ROBO2: variants seen among roughly 807,000 people sequenced by gnomAD.
The protein encoded by ROBO2 is roundabout homolog 2.
Under a neutral mutation model 160.8 loss-of-function variants are expected in ROBO2, and 53 were observed. The observed-to-expected ratio is 0.33, with a 90% CI of 0.26 to 0.41. The LOEUF (loss-of-function observed/expected upper bound fraction) is 0.41, where lower values mean the gene tolerates loss of function less well. ROBO2 is among the 10% of genes least tolerant of loss of function. The pLI, the probability that ROBO2 is intolerant of heterozygous loss-of-function variation, is 1.00. For synonymous variants in ROBO2, 664 were observed against 611.7 expected, an observed-to-expected ratio of 1.09 and a Z score of -1.26; for missense variants, 1,577 against 1,722.4, an observed-to-expected ratio of 0.92 and a Z score of 1.49.
intron 2 of ROBO2, among the ~76,000 whole-genome samples, chr3:76,331,595 G>A (rs192025807): frequency 5.3e-5 from 8 of 151,920 alleles, no homozygotes; most frequent in Admixed American, 4.6e-4. Context: ...AGTAATATCC[G>A]GGCATCTTTG....
intron 2 of ROBO2, among the ~76,000 whole-genome samples, chr3:76,410,046 C>T (rs766218633): frequency 9.2e-5 from 14 of 152,100 alleles, no homozygotes; most frequent in East Asian, 1.9e-4. Context: ...TTTTTGTTTT[C>T]GCATGCATGT....
At chr3:75,926,043 C>A (rs929155458) in intron 1 of ROBO2, among the ~76,000 whole-genome samples, 3 of 152,098 alleles carry the variant, frequency 2.0e-5, no homozygotes, top group African/African-American at 7.2e-5. Flanking sequence ...CTGTAAACTG[C>A]TCACAGTAAA....
intron 2 of ROBO2, among the ~76,000 whole-genome samples, chr3:76,245,201 A>G (rs1705542564): frequency 6.6e-6 from 1 of 152,240 alleles, no homozygotes; most frequent in African/African-American, 2.4e-5. Flanking sequence ...ACTGAAAAAT[A>G]TCAATATTGA....
chr3:77,038,455 C>T (rs1448014208), upstream of ROBO2, among the ~76,000 whole-genome samples: 1 of 152,084 alleles, frequency 6.6e-6, no homozygotes, highest in Non-Finnish European at 1.5e-5. Flanking sequence ...GAACACACAG[C>T]GCCCATAATA....
chr3:76,695,008 G>A (rs1012918138), intron 2 of ROBO2, among the ~76,000 whole-genome samples: 1 of 152,278 alleles, frequency 6.6e-6, no homozygotes, highest in African/African-American at 2.4e-5. Flanking sequence ...GGAGGCTGAG[G>A]CAGGAGAATC....
At chr3:76,000,236 A>T (rs2065843814) in intron 2 of ROBO2, among the ~76,000 whole-genome samples, 1 of 152,156 alleles carries the variant, frequency 6.6e-6, no homozygotes, top group African/African-American at 2.4e-5. Flanking sequence ...CAAATGAAGA[A>T]GATGACGCTA....
chr3:76,141,518 A>G (rs185107400), intron 2 of ROBO2, among the ~76,000 whole-genome samples: 3 of 152,000 alleles, frequency 2.0e-5, no homozygotes, highest in Admixed American at 2.0e-4. Flanking sequence ...GTAACATTGA[A>G]TAAAAATACA....
At chr3:77,194,828 ATAGT>A (rs1158801429) in intron 2 of ROBO2, among the ~76,000 whole-genome samples, 1 of 152,174 alleles carries the variant, frequency 6.6e-6, no homozygotes, top group Non-Finnish European at 1.5e-5. Context: ...GGATGAAGGA[ATAGT>A]TATAGTATAA....
chr3:76,201,587 C>T (rs926284224), intron 2 of ROBO2, among the ~76,000 whole-genome samples: 4 of 152,102 alleles, frequency 2.6e-5, no homozygotes, highest in African/African-American at 7.2e-5. Context: ...TTAAAGGTTG[C>T]CGTTACCCTC....
chr3:76,267,650 T>A (rs972736542), intron 2 of ROBO2, among the ~76,000 whole-genome samples: 2 of 152,188 alleles, frequency 1.3e-5, no homozygotes, highest in Non-Finnish European at 2.9e-5. Context: ...GCTTTGTAAA[T>A]TAACTTTTAT....
chr3:77,291,893 G>A (rs115163649), intron 2 of ROBO2, among the ~76,000 whole-genome samples: 1,606 of 151,884 alleles, frequency 0.011, 20 homozygotes, highest in African/African-American at 0.03. Context: ...GGATAAACGG[G>A]TAAGCTGAGG....
chr3:76,933,391 C>A (rs1348237500), intron 2 of ROBO2, among the ~76,000 whole-genome samples: 1 of 152,116 alleles, frequency 6.6e-6, no homozygotes, highest in Non-Finnish European at 1.5e-5. Context: ...TGGAAAACAA[C>A]CTACTAGGGA....
chr3:76,413,307 C>T (rs987568219), intron 2 of ROBO2, among the ~76,000 whole-genome samples: 14 of 152,182 alleles, frequency 9.2e-5, no homozygotes, highest in Non-Finnish European at 4.4e-5. Flanking sequence ...ATTAACATAT[C>T]ATGTCACCAA....
chr3:77,597,359 A>C (rs969187541), intron 19 of ROBO2, among the ~76,000 whole-genome samples: 1 of 152,200 alleles, frequency 6.6e-6, no homozygotes, highest in Non-Finnish European at 1.5e-5. Flanking sequence ...AGCCACATGC[A>C]AGCCTTCAAA....
At chr3:77,196,399 T>C (rs1216652641) in intron 2 of ROBO2, among the ~76,000 whole-genome samples, 2 of 151,742 alleles carry the variant, frequency 1.3e-5, no homozygotes, top group East Asian at 1.9e-4. Context: ...CTCTTTGGAA[T>C]TGCTAAATTG....
intron 2 of ROBO2, among the ~76,000 whole-genome samples, chr3:76,149,989 T>C (rs1255096476): frequency 6.6e-6 from 1 of 150,618 alleles, no homozygotes; most frequent in Non-Finnish European, 1.5e-5. Flanking sequence ...CACATCTGTC[T>C]AAAGCACACA....
intron 2 of ROBO2, among the ~76,000 whole-genome samples, chr3:76,226,053 T>A (rs539210490): frequency 1.3e-5 from 2 of 152,306 alleles, no homozygotes; most frequent in East Asian, 3.9e-4. Flanking sequence ...CTAAAATAAA[T>A]AGCTTATCCT....
At chr3:77,619,649 C>A (rs2153704326) in intron 22 of ROBO2, among the ~76,000 whole-genome samples, 1 of 152,240 alleles carries the variant, frequency 6.6e-6, no homozygotes, top group South Asian at 2.1e-4. Context: ...ACCCATATGG[C>A]TGACCTCAAT....
rs575657663 is a variant in ROBO2, at chr3:76,843,043, T to C, written c.110-254971T>C. ...AACAAAAACAAATGTTGTTTGTTAA[T>C]AATCTACAAAGCAAAAGGTGAGGGA... is the stretch of plus-strand genomic sequence containing the variant. On this transcript the variant is annotated intron_variant, in intron 2 of 26. Coordinates refer to the ROBO2 transcript ENST00000487694. Among the ~76,000 whole-genome samples, 6 of 152,188 alleles carry C rather than the reference T, an allele frequency of 3.9e-5. No individual in the cohort carries two copies. In the South Asian group the frequency reaches 1.2e-3, roughly 32 times the overall value.
Sources: allele counts gnomAD v4.1 joint callset (sites outside exome capture counted in the v4.1 genomes callset), GRCh38; gene constraint gnomAD v4.1.1; transcripts MANE v1.5; gene names NCBI Gene and HGNC (gene_info 2026-07-23, HGNC 2026-07-21).